Variants in SEPTIN9 observed in about 807,000 individuals in gnomAD.
SEPTIN9 encodes the protein septin 9.
In SEPTIN9, 13 loss-of-function variants were observed where a neutral mutation model predicts 56.6. That is an observed-to-expected ratio of 0.23 (90% confidence interval 0.15 to 0.37). The LOEUF is 0.37. Ranked by LOEUF, SEPTIN9 falls within the 10% of genes least tolerant of loss-of-function variation. The probability of loss-of-function intolerance (pLI) is 1.00; values close to 1 mark genes in which losing one functional copy is unlikely to be tolerated. For synonymous variants in SEPTIN9, 332 were observed against 334.1 expected (o/e 0.99, Z 0.07); for missense variants, 650 against 823.1 (o/e 0.79, Z 2.57).
intron 1 of SEPTIN9, among the ~76,000 whole-genome samples, chr17:77,290,382 C>T (rs1218105297): frequency 4.0e-5 from 6 of 151,838 alleles, no homozygotes; most frequent in South Asian, 2.1e-4. Context: ...CTCAGCATCC[C>T]GCATAGCTGG....
At chr17:77,281,690 T>A (rs1255050718) in intron 1 of SEPTIN9, 136 bp downstream of exon 1, 2 of 825,006 alleles carry the variant, frequency 2.4e-6, no homozygotes, top group Admixed American at 5.4e-5. Context: ...GCAGGTCGAG[T>A]TCCTCCCAGG....
intron 1 of SEPTIN9, among the ~76,000 whole-genome samples, chr17:77,302,158 G>A (rs78190100): frequency 0.02 from 3,032 of 152,288 alleles, 90 homozygotes; most frequent in African/African-American, 0.069. Context: ...CCAGATTCTA[G>A]CATAACAACC....
At chr17:77,345,674 C>T (rs904378145) in intron 2 of SEPTIN9, among the ~76,000 whole-genome samples, 2 of 152,152 alleles carry the variant, frequency 1.3e-5, no homozygotes, top group African/African-American at 2.4e-5. Flanking sequence ...ACTGGGCACA[C>T]GCCACTGGCA....
chr17:77,328,864 G>T (rs548022364), intron 2 of SEPTIN9, among the ~76,000 whole-genome samples: 3 of 152,338 alleles, frequency 2.0e-5, no homozygotes, highest in African/African-American at 7.2e-5. Flanking sequence ...GTTGCTGGGG[G>T]TGCATATCTG....
chr17:77,411,735 GTGAT>G (rs2036310116), intron 3 of SEPTIN9, among the ~76,000 whole-genome samples: 1 of 152,134 alleles, frequency 6.6e-6, no homozygotes, highest in Admixed American at 6.5e-5. Flanking sequence ...GCTTCCCACT[GTGAT>G]TGAGAGGCTG....
At position 77,316,631 on chromosome 17, in the gene SEPTIN9, C is replaced by T. The variant is rs865842286; in HGVS notation, c.76+9434C>T. On this transcript the variant is annotated intron_variant, in intron 2 of 11. Coordinates refer to ENST00000427177, the MANE Select transcript of SEPTIN9 (RefSeq NM_001113491.2). ...TGGGTCAGAGCCTCGTGGGGCCTTC[C>T]TGGGCTTCCCTGCCCCACAGCAGGA... 9.2e-5 allele frequency among the ~76,000 whole-genome samples: 14 copies of T among 152,286 alleles called. No individual in the cohort carries two copies. In the South Asian group the frequency reaches 1.2e-3, roughly 14 times the overall value.
chr17:77,393,653 A>C (rs1211467138), intron 2 of SEPTIN9, among the ~76,000 whole-genome samples: 4 of 152,166 alleles, frequency 2.6e-5, no homozygotes, highest in African/African-American at 9.7e-5. Flanking sequence ...GCAATGGCAC[A>C]ATCTCGGCTC....
At chr17:77,339,297 A>T (rs1000446436) in intron 2 of SEPTIN9, among the ~76,000 whole-genome samples, 5 of 152,224 alleles carry the variant, frequency 3.3e-5, no homozygotes, top group African/African-American at 9.6e-5. Flanking sequence ...ACTATGGCAG[A>T]TACTGCTTTA....
At chr17:77,480,589 G>A (rs1448651119) in intron 3 of SEPTIN9, among the ~76,000 whole-genome samples, 1 of 152,222 alleles carries the variant, frequency 6.6e-6, no homozygotes, top group African/African-American at 2.4e-5. Flanking sequence ...CCTCCTGTCT[G>A]GGAGGGCTGC....
chr17:77,460,958 G>C (rs944847668), intron 3 of SEPTIN9, among the ~76,000 whole-genome samples: 2 of 152,086 alleles, frequency 1.3e-5, no homozygotes, highest in African/African-American at 4.8e-5. Context: ...ATTTAAAAGG[G>C]TCATTTAGTG....
intron 3 of SEPTIN9, among the ~76,000 whole-genome samples, chr17:77,411,591 G>T (rs1245231535): frequency 6.6e-6 from 1 of 151,462 alleles, no homozygotes; most frequent in Non-Finnish European, 1.5e-5. Flanking sequence ...TAGTAGAGAC[G>T]GGGTTTCACC....
At chr17:77,424,626 G>A (rs1253488634) in intron 3 of SEPTIN9, among the ~76,000 whole-genome samples, 1 of 152,154 alleles carries the variant, frequency 6.6e-6, no homozygotes, top group East Asian at 1.9e-4. Flanking sequence ...GCTTTTTTCT[G>A]GGGGCCTTGC....
chr17:77,297,664 T>C (rs747685611), intron 1 of SEPTIN9, among the ~76,000 whole-genome samples: 53 of 152,312 alleles, frequency 3.5e-4, no homozygotes, highest in Middle Eastern at 3.4e-3. Context: ...AATGTATTCA[T>C]TGAGCACCTG....
chr17:77,414,117 C>T (rs571301052), intron 3 of SEPTIN9, among the ~76,000 whole-genome samples: 20 of 152,044 alleles, frequency 1.3e-4, no homozygotes, highest in Non-Finnish European at 2.6e-4. Context: ...TCACTCTTGT[C>T]GCCTAGGCTG....
intron 1 of SEPTIN9, among the ~76,000 whole-genome samples, chr17:77,302,400 C>G (rs2032088763): frequency 6.6e-6 from 1 of 152,170 alleles, no homozygotes; most frequent in South Asian, 2.1e-4. Flanking sequence ...AAGCCCCTGG[C>G]CGGGCGTGGT....
intron 2 of SEPTIN9, among the ~76,000 whole-genome samples, chr17:77,384,800 TGGA>T (rs1370844481): frequency 6.7e-6 from 1 of 149,974 alleles, no homozygotes; most frequent in Non-Finnish European, 1.5e-5. Context: ...TGGCGCCACA[TGGA>T]GGAAAGCACC....
Position 77,475,958 on chromosome 17 carries a change from G to C in SEPTIN9, c.722-6186G>C. The C allele has an allele frequency of 6.4e-7, 1 of 1,561,574 alleles. No individual in the cohort carries two copies. The highest frequency in any genetic ancestry group is 8.7e-7 in the Non-Finnish European group (1 of 1,147,792). ...TGCTCTGAGAGCCAGGTGTGGGTTG[G>C]GTTTGGGGAAGACAGGGGAATGGCA... On this transcript the variant is annotated intron_variant, in intron 3 of 11. Coordinates refer to ENST00000427177, the MANE Select transcript of SEPTIN9 (RefSeq NM_001113491.2). This position sits in a 1 kb window ranked among gnomAD's most constrained non-coding sequence, Gnocchi z 4.6.
At position 77,281,521 on chromosome 17, in the gene SEPTIN9, G is replaced by A. The variant is rs1249024458; in HGVS notation, c.-15G>A. 6.5e-7 allele frequency: 1 copy of A among 1,547,914 alleles called. No individual in the cohort carries two copies. The highest frequency in any genetic ancestry group is 8.7e-7 in the Non-Finnish European group (1 of 1,146,468). On this transcript the variant is annotated 5_prime_UTR_variant, in exon 1 of 12. Transcript: ENST00000427177. ...GCCGCCACACTTTCCTGGGAGCGGC[G>A]GCCACGGAGGCACCATGAAGAAGTC... is the stretch of plus-strand genomic sequence containing the variant.
At chr17:77,355,617 C>T (rs1310776214) in intron 2 of SEPTIN9, among the ~76,000 whole-genome samples, 1 of 152,100 alleles carries the variant, frequency 6.6e-6, no homozygotes, top group Non-Finnish European at 1.5e-5. Flanking sequence ...ACCCATGCAC[C>T]GTGGCTGCCG....
Sources: gnomAD v4.1 joint callset for allele counts (sites outside exome capture counted in the v4.1 genomes callset) on GRCh38, gnomAD v4.1.1 for gene constraint, Gnocchi (gnomAD v3.1) non-coding constraint, MANE v1.5 for transcripts, NCBI Gene and HGNC (gene_info 2026-07-23, HGNC 2026-07-21) for gene names.